MAP4K5: variants seen among roughly 807,000 people sequenced by gnomAD.
The protein encoded by MAP4K5 is MAPK/ERK kinase kinase kinase 5.
In MAP4K5, 82 loss-of-function variants were observed where a neutral mutation model predicts 135.6. The ratio of observed to expected loss-of-function variants is 0.60; its 90% CI spans 0.51 to 0.73. The LOEUF is 0.73. Among genes scored for constraint, MAP4K5 ranks in the 30% least tolerant of loss-of-function variants. The pLI, the probability that MAP4K5 is intolerant of heterozygous loss-of-function variation, is 0.00. For synonymous variants in MAP4K5, 347 were observed against 335.0 expected, an observed-to-expected ratio of 1.04 and a Z score of -0.39; for missense variants, 907 against 1,010.9, an observed-to-expected ratio of 0.90 and a Z score of 1.39.
At chr14:50,526,885 T>A (rs777287999) in intron 2 of MAP4K5, among the ~76,000 whole-genome samples, 2 of 152,106 alleles carry the variant, frequency 1.3e-5, no homozygotes, top group Non-Finnish European at 2.9e-5. Flanking sequence ...TCATCTAGCA[T>A]CCAGAGGAAC....
chr14:50,531,838 A>C, intron 2 of MAP4K5, 104 bp downstream of exon 2: 10 of 832,970 alleles, frequency 1.2e-5, no homozygotes, highest in African/African-American at 1.7e-5. Flanking sequence ...CCCAAGAGGC[A>C]ACAATAAAAG....
At chr14:50,421,168 CAG>C (rs760037827) in intron 32 of MAP4K5, among the ~76,000 whole-genome samples, 27 of 152,042 alleles carry the variant, frequency 1.8e-4, no homozygotes, top group Middle Eastern at 6.8e-3. Flanking sequence ...TCCAACTGCC[CAG>C]AGTTAACTGT....
At chr14:50,445,338 C>T in intron 17 of MAP4K5, 144 bp from the exon 18 acceptor site, 1 of 564,064 alleles carries the variant, frequency 1.8e-6, no homozygotes, top group Non-Finnish European at 2.9e-6. Context: ...TGAGTTACTG[C>T]CCAACACAAC....
At chr14:50,490,186 GA>G (rs753198621) in intron 3 of MAP4K5, among the ~76,000 whole-genome samples, 7,298 of 117,020 alleles carry the variant, frequency 0.062, 270 homozygotes, top group Admixed American at 0.16. Flanking sequence ...GATACTCTTA[GA>G]AAAAAAAAAA....
chr14:50,497,228 T>C (rs1408555844), intron 3 of MAP4K5, among the ~76,000 whole-genome samples: 4 of 152,214 alleles, frequency 2.6e-5, no homozygotes, highest in Non-Finnish European at 4.4e-5. Context: ...TTTTTTTCCA[T>C]TGAGCATAAT....
Position 50,532,036 on chromosome 14 carries a change from A to T in MAP4K5, c.14T>A (p.Leu5Gln). The T allele has an allele frequency of 6.4e-7, 1 of 1,572,116 alleles. No homozygotes were observed. The highest frequency in any genetic ancestry group is 1.4e-5 in the African/African-American group (1 of 73,838). Residue 5 changes from leucine to glutamine, a missense_variant, in exon 2 of 33, where the codon CTG becomes CAG. Physicochemically the swap from Leu to Gln is moderately radical, Grantham distance 113. Transcript: ENST00000682126. The stretch of plus-strand genomic sequence containing the variant: ...CCTCAGGATGTCCGCGGCAGGCCGC[A>T]GCGGGGCCTCCATCTTCACTTAGGG... MEAPLRPAADILRRN... is the reference protein window; with the variant it reads MEAPQRPAADILRRN...
intron 9 of MAP4K5, 143 bp downstream of exon 9, chr14:50,474,934 A>G (rs2037062462): frequency 1.0e-5 from 7 of 676,142 alleles, no homozygotes; most frequent in Non-Finnish European, 1.8e-5. Flanking sequence ...AAGTTCCCTA[A>G]CCCAAACAGA....
At chr14:50,480,992 G>C (rs1156363672) in intron 6 of MAP4K5, among the ~76,000 whole-genome samples, 1 of 151,734 alleles carries the variant, frequency 6.6e-6, no homozygotes, top group Admixed American at 6.6e-5. Context: ...GTACAGGATT[G>C]TATTTTGGGA....
chr14:50,484,602 G>A (rs1375704087), intron 5 of MAP4K5, among the ~76,000 whole-genome samples: 2 of 152,066 alleles, frequency 1.3e-5, no homozygotes, highest in African/African-American at 4.8e-5. Flanking sequence ...TTAAAAACAA[G>A]CCTTAGGGAT....
chr14:50,529,637 GA>G (rs1277867054), intron 2 of MAP4K5, among the ~76,000 whole-genome samples: 2 of 141,696 alleles, frequency 1.4e-5, no homozygotes, highest in African/African-American at 2.5e-5. Flanking sequence ...TAATAAACAA[GA>G]AAAAAATAAG....
At chr14:50,427,871 T>C (rs1281063063) in intron 30 of MAP4K5, among the ~76,000 whole-genome samples, 1 of 152,158 alleles carries the variant, frequency 6.6e-6, no homozygotes, top group Non-Finnish European at 1.5e-5. Flanking sequence ...TATATAAAAA[T>C]AGTTCCAAAA....
rs1414613245 is a variant in MAP4K5 at position 50,419,413 on chromosome 14, A to G, written c.*606T>C. 1 of 152,582 alleles carries G rather than the reference A, an allele frequency of 6.6e-6. No individual in the cohort carries two copies. The highest frequency in any genetic ancestry group is 2.4e-5 in the African/African-American group (1 of 41,436). 9.5% of individuals were successfully genotyped at this position (152,582 alleles called of 1,614,324 possible). On this transcript the variant is annotated 3_prime_UTR_variant, in exon 33 of 33. Transcript: ENST00000682126. Reference sequence around the variant, plus strand: ...TTGCATGTGTGTGTTGAACCCCCAAACACTCAAAGTACTTTACTACTCTTA... The same window carrying G: ...TTGCATGTGTGTGTTGAACCCCCAAGCACTCAAAGTACTTTACTACTCTTA...
chr14:50,475,091 A>T lies in MAP4K5; in HGVS notation c.528T>A (p.Ile176=). Residue 176 remains isoleucine, a synonymous_variant, in exon 9 of 33, where the codon ATT becomes ATA. Coordinates refer to ENST00000682126, the MANE Select transcript of MAP4K5 (RefSeq NM_006575.6). ...TAATGTCTTACCAGTAAGGGGTGCC[A>T]ATGAAAGATTTTCGTTTTGCAATGG... ...TATIAKRKSF[I]GTPYWMAPEV... The T allele has an allele frequency of 6.2e-7, 1 of 1,613,708 alleles. No homozygotes were observed. The highest frequency in any genetic ancestry group is 8.5e-7 in the Non-Finnish European group (1 of 1,179,666).
At chr14:50,535,735 G>A (rs77805708), upstream of MAP4K5, among the ~76,000 whole-genome samples, 624 of 152,276 alleles carry the variant, frequency 4.1e-3, 3 homozygotes, top group African/African-American at 0.014. Context: ...GTTTTAAAAA[G>A]GAGAGGTGAG....
chr14:50,477,295 CTGAT>C (rs959080636), intron 6 of MAP4K5, among the ~76,000 whole-genome samples: 2 of 152,054 alleles, frequency 1.3e-5, no homozygotes, highest in Non-Finnish European at 2.9e-5. Context: ...ATATATAAAT[CTGAT>C]TGATTTTTGT....
upstream of MAP4K5, among the ~76,000 whole-genome samples, chr14:50,535,712 C>A (rs907123166): frequency 2.6e-5 from 4 of 152,134 alleles, no homozygotes; most frequent in African/African-American, 9.7e-5. Context: ...AGTATCAGGT[C>A]ATTAGGATGA....
At chr14:50,464,633 G>T (rs1241703159) in intron 11 of MAP4K5, among the ~76,000 whole-genome samples, 1 of 152,196 alleles carries the variant, frequency 6.6e-6, no homozygotes, top group African/African-American at 2.4e-5. Flanking sequence ...CACTGATGAA[G>T]TGGGGAAAGG....
chr14:50,559,939 T>G, intron 1 of MAP4K5: 4 of 404,344 alleles, frequency 9.9e-6, no homozygotes, highest in South Asian at 3.1e-5. Flanking sequence ...TCGAGGGGGG[T>G]GCTGTTTATT....
intron 9 of MAP4K5, among the ~76,000 whole-genome samples, 174 bp downstream of exon 9, chr14:50,474,903 G>C (rs1436135425): frequency 6.6e-6 from 1 of 152,158 alleles, no homozygotes; most frequent in Admixed American, 6.5e-5. Flanking sequence ...AGGGAAGGCT[G>C]AACCATGAAT....
Sources: gnomAD v4.1 joint callset for allele counts (sites outside exome capture counted in the v4.1 genomes callset) on GRCh38, gnomAD v4.1.1 for gene constraint, MANE v1.5 for transcripts, NCBI Gene and HGNC (gene_info 2026-07-23, HGNC 2026-07-21) for gene names.